Variants in RPLP2 observed in about 807,000 individuals in gnomAD.
RPLP2 encodes the protein ribosomal protein lateral stalk subunit P2, also known as large ribosomal subunit protein P2.
A neutral mutation model predicts 11.5 loss-of-function variants in RPLP2; 1 was observed. The ratio of observed to expected loss-of-function variants is 0.09; its 90% CI spans 0.03 to 0.41. The LOEUF (loss-of-function observed/expected upper bound fraction) is 0.41. Ranked by LOEUF, RPLP2 falls within the 10% of genes least tolerant of loss-of-function variation. The probability of loss-of-function intolerance (pLI) is 0.98; values close to 1 mark genes in which losing one functional copy is unlikely to be tolerated. For missense variants in RPLP2, 177 were observed against 145.6 expected, an observed-to-expected ratio of 1.22 and a Z score of -1.11; for synonymous variants, 82 against 55.9, an observed-to-expected ratio of 1.47 and a Z score of -2.08.
chr11:811,044 G>A (rs1866029382), intron 2 of RPLP2, among the ~76,000 whole-genome samples: 1 of 151,546 alleles, frequency 6.6e-6, no homozygotes, highest in Non-Finnish European at 1.5e-5. Flanking sequence ...GGAGGCAGTG[G>A]TGCACATCTG....
At chr11:811,507 G>A in intron 2 of RPLP2, 90 bp from the exon 3 acceptor site, 1 of 1,528,992 alleles carries the variant, frequency 6.5e-7, no homozygotes, top group Admixed American at 1.7e-5. Flanking sequence ...TCCCATGTGG[G>A]GAACCCAGTC....
chr11:810,055 G>C lies in RPLP2; in HGVS notation c.-2+16G>C. ...ACGCCGCCGCGTGAGTGTGGTGACC[G>C]GGCCCGGGGTGCCGGCTGGGGACGC... On this transcript the variant is annotated intron_variant, in intron 1 of 4. Transcript: ENST00000321153. 1 of 706,888 alleles carries C rather than the reference G, an allele frequency of 1.4e-6. No individual in the cohort carries two copies. Among genetic ancestry groups the C allele is most frequent in the Non-Finnish European group, 2.1e-6 (1 of 487,662 alleles). The allele number at this position is 706,888 out of a possible 1,614,324, so 43.8% of individuals were successfully genotyped here.
At chr11:810,472 T>G (rs572861061) in intron 2 of RPLP2, 115 bp downstream of exon 2, 5 of 1,056,330 alleles carry the variant, frequency 4.7e-6, no homozygotes, top group Non-Finnish European at 5.4e-6. Flanking sequence ...CGTTTCAGTC[T>G]AGTTGGCGAT....
intron 1 of RPLP2, 90 bp from the exon 2 acceptor site, chr11:810,144 C>T (rs1447096049): frequency 7.3e-7 from 1 of 1,363,168 alleles, no homozygotes; most frequent in East Asian, 3.0e-5. Flanking sequence ...ACGGGCCGAG[C>T]CACGCGCGGC....
intron 2 of RPLP2, 38 bp downstream of exon 2, chr11:810,395 C>T: frequency 1.3e-6 from 2 of 1,591,046 alleles, no homozygotes; most frequent in Non-Finnish European, 1.7e-6. Context: ...CCGTGGGGCC[C>T]CAGTGTCCCA....
In RPLP2 at chr11:812,871, C is replaced by G. The variant is rs756980594; in HGVS notation, c.*35C>G. The G allele has an allele frequency of 6.2e-7, 1 of 1,606,330 alleles. No individual in the cohort carries two copies. The highest frequency in any genetic ancestry group is 1.7e-5 in the Admixed American group (1 of 59,992). The stretch of plus-strand genomic sequence containing the variant: ...CCCCTGCAAATAAAGCCTTTTTACA[C>G]ATCTCTCAAGTATTCCATGAGCACT... On this transcript the variant is annotated 3_prime_UTR_variant, in exon 5 of 5. Coordinates refer to ENST00000321153, the MANE Select transcript of RPLP2 (RefSeq NM_001004.4).
At chr11:812,427 C>A in intron 3 of RPLP2, 108 bp from the exon 4 acceptor site, 1 of 1,437,156 alleles carries the variant, frequency 7.0e-7, no homozygotes, top group Non-Finnish European at 9.5e-7. Context: ...TATGGTGGGT[C>A]CAGATATGTT....
intron 2 of RPLP2, 151 bp from the exon 3 acceptor site, chr11:811,446 A>G (rs532479865): frequency 1.3e-6 from 1 of 766,642 alleles, no homozygotes; most frequent in Non-Finnish European, 2.2e-6. Context: ...TTCCCAAGTG[A>G]GGCTGGTGGC....
intron 3 of RPLP2, chr11:812,197 A>G (rs1400735287): frequency 7.3e-6 from 3 of 412,498 alleles, no homozygotes; most frequent in Non-Finnish European, 1.4e-5. Flanking sequence ...CGTTGTGGCC[A>G]GAGATGTGGA....
chr11:812,233 A>T (rs1052955839), intron 3 of RPLP2: 9 of 461,520 alleles, frequency 2.0e-5, no homozygotes, highest in African/African-American at 1.6e-4. Context: ...CTCATTCCCT[A>T]CCTAGTTATG....
intron 1 of RPLP2, 51 bp from the exon 2 acceptor site, chr11:810,183 C>A (rs1273466906): frequency 5.5e-6 from 8 of 1,444,242 alleles, no homozygotes; most frequent in South Asian, 2.7e-5. Context: ...GATGGGCCGG[C>A]AGGAGGCCGC....
chr11:810,111 G>T, intron 1 of RPLP2, 72 bp downstream of exon 1: 3 of 1,179,022 alleles, frequency 2.5e-6, no homozygotes, highest in South Asian at 4.3e-5. Context: ...GTGGGCGGCG[G>T]GGTATTTTTG....
chr11:812,123 T>C (rs1866084727), intron 3 of RPLP2: 1 of 377,790 alleles, frequency 2.6e-6, no homozygotes, highest in South Asian at 2.2e-5. Flanking sequence ...GCAGCTGTTC[T>C]TGTCTTCCAT....
Position 812,518 on chromosome 11 carries a change from C to A in RPLP2, c.173-17C>A. Reference sequence around the variant, plus strand: ...GGCTGGGCAGCTGCTCTGGTCTCACCTCTCTGCTTTCTGTAGGTATTGGCA... The same window carrying A: ...GGCTGGGCAGCTGCTCTGGTCTCACATCTCTGCTTTCTGTAGGTATTGGCA... On this transcript the variant is annotated splice_polypyrimidine_tract_variant and intron_variant, in intron 3 of 4. Coordinates refer to ENST00000321153, the MANE Select transcript of RPLP2 (RefSeq NM_001004.4). 1 of 1,608,360 alleles carries A rather than the reference C, an allele frequency of 6.2e-7. No homozygotes were observed.
At chr11:810,422 G>C in intron 2 of RPLP2, 65 bp downstream of exon 2, 2 of 1,470,400 alleles carry the variant, frequency 1.4e-6, no homozygotes, top group South Asian at 1.2e-5. Context: ...CGATTCTTCT[G>C]CCTGATCCGG....
At chr11:810,112 G>A in intron 1 of RPLP2, 73 bp downstream of exon 1, 2 of 1,190,586 alleles carry the variant, frequency 1.7e-6, no homozygotes, top group Non-Finnish European at 2.2e-6. Context: ...TGGGCGGCGG[G>A]GTATTTTTGG....
chr11:812,205 G>A, intron 3 of RPLP2: 1 of 421,938 alleles, frequency 2.4e-6, no homozygotes, highest in Non-Finnish European at 4.5e-6. Context: ...CCAGAGATGT[G>A]GATACTGGGG....
chr11:811,931 T>G (rs1239802724), intron 3 of RPLP2: 5 of 655,774 alleles, frequency 7.6e-6, no homozygotes, highest in Non-Finnish European at 1.4e-5. Context: ...GTCTGAAGCT[T>G]GGTGTCTGGA....
rs372439017 is a variant in RPLP2 at position 812,740 on chromosome 11, G to T, written c.272-20G>T. The T allele has an allele frequency of 6.2e-7, 1 of 1,612,026 alleles. No homozygotes were observed. The highest frequency in any genetic ancestry group is 8.5e-7 in the Non-Finnish European group (1 of 1,178,368). On this transcript the variant is annotated intron_variant, in intron 4 of 4. Coordinates refer to ENST00000321153, the MANE Select transcript of RPLP2 (RefSeq NM_001004.4). The stretch of plus-strand genomic sequence containing the variant: ...CTGGCACTTGGGCAGTGCTCACCAT[G>T]CCTCTCCTCTGTTCCACAGCAGAGG...
Sources: allele counts gnomAD v4.1 joint callset (sites outside exome capture counted in the v4.1 genomes callset), GRCh38; gene constraint gnomAD v4.1.1; transcripts MANE v1.5; gene names NCBI Gene and HGNC (gene_info 2026-07-23, HGNC 2026-07-21).